The following LAMA2 variants were observed in gnomAD, a reference collection of about 807,000 sequenced individuals.
LAMA2 encodes the protein laminin subunit alpha 2, also known as laminin subunit alpha-2.
LAMA2 carries 269 observed loss-of-function variants against 364.8 expected under a neutral mutation model. The observed-to-expected ratio is 0.74, with a 90% CI of 0.67 to 0.82. The LOEUF (loss-of-function observed/expected upper bound fraction) is 0.82. LAMA2 is among the 40% of genes least tolerant of loss of function. The pLI, the probability that LAMA2 is intolerant of heterozygous loss-of-function variation, is 0.00. For missense variants in LAMA2, 3,807 were observed against 3,873.2 expected, an observed-to-expected ratio of 0.98 and a Z score of 0.45; for synonymous variants, 1,379 against 1,370.6, an observed-to-expected ratio of 1.01 and a Z score of -0.14.
chr6:129,300,980 A>G (rs747304679), intron 22 of LAMA2, 108 bp downstream of exon 22: 1 of 932,232 alleles, frequency 1.1e-6, no homozygotes, highest in Admixed American at 1.8e-5. Flanking sequence ...AAAATAATGT[A>G]GAAGTATTAC....
chr6:129,417,473 G>A (rs1270052355), intron 40 of LAMA2, among the ~76,000 whole-genome samples: 2 of 152,056 alleles, frequency 1.3e-5, no homozygotes, highest in Non-Finnish European at 2.9e-5. Flanking sequence ...TGGTCCATGG[G>A]TGGCCATGAG....
At chr6:129,098,138 A>G (rs1272815403) in intron 3 of LAMA2, 35 bp from the exon 4 acceptor site, 1 of 1,609,774 alleles carries the variant, frequency 6.2e-7, no homozygotes, top group Non-Finnish European at 8.5e-7. Context: ...AATATTTGGG[A>G]ATTCAATGTT....
intron 4 of LAMA2, among the ~76,000 whole-genome samples, chr6:129,130,797 G>T (rs1344140725): frequency 6.6e-6 from 1 of 152,052 alleles, no homozygotes; most frequent in Admixed American, 6.6e-5. Flanking sequence ...TTTTACAGGT[G>T]CCATTTTATA....
At chr6:128,962,493 A>AG (rs1781599143) in intron 1 of LAMA2, among the ~76,000 whole-genome samples, 1 of 152,040 alleles carries the variant, frequency 6.6e-6, no homozygotes, top group Non-Finnish European at 1.5e-5. Flanking sequence ...GACTATTGTG[A>AG]GGAGGATACT....
chr6:129,457,309 C>T (rs1025117757), intron 48 of LAMA2, among the ~76,000 whole-genome samples: 4 of 152,052 alleles, frequency 2.6e-5, no homozygotes, highest in African/African-American at 7.2e-5. Flanking sequence ...AAGTTATCCT[C>T]GTTTCTTAGA....
chr6:129,320,774 TCA>T (rs979062663), intron 28 of LAMA2, 119 bp downstream of exon 28: 4 of 704,912 alleles, frequency 5.7e-6, no homozygotes, highest in African/African-American at 5.3e-5. Context: ...AATCTTCCAC[TCA>T]CAGTGTGAGA....
At chr6:129,428,289 T>G (rs758323042) in intron 41 of LAMA2, among the ~76,000 whole-genome samples, 191 of 152,050 alleles carry the variant, frequency 1.3e-3, no homozygotes, top group Non-Finnish European at 2.4e-3. Context: ...AAAAATTTAG[T>G]CAGGTGTAGC....
intron 5 of LAMA2, 132 bp downstream of exon 5, chr6:129,144,212 GATTATTATT>G (rs543824838): frequency 8.0e-6 from 5 of 623,162 alleles, no homozygotes; most frequent in Non-Finnish European, 8.2e-6. Context: ...TAGAATTGTA[GATTATTATT>G]ATTATTATTA....
At chr6:129,277,257 G>T (rs1788394413) in intron 17 of LAMA2, among the ~76,000 whole-genome samples, 1 of 152,120 alleles carries the variant, frequency 6.6e-6, no homozygotes, top group South Asian at 2.1e-4. Context: ...TTTCCTCTTT[G>T]TGTCACGGAA....
In LAMA2 at chr6:129,163,369, C is replaced by T. The variant is rs142830188; in HGVS notation, c.1207-2207C>T. On this transcript the variant is annotated intron_variant, in intron 8 of 64. Transcript: ENST00000421865. ...TCTCATTAGGCCGGGCACAGTGGTT[C>T]ACCCCAGGAATCCCAGTACTTTGGA... 3.4e-3 allele frequency among the ~76,000 whole-genome samples: 521 copies of T among 152,254 alleles called. 4 individuals carry two copies. Among genetic ancestry groups the T allele is most frequent in the African/African-American group, 0.012 (489 of 41,564 alleles).
At chr6:129,285,392 A>G (rs993856539) in intron 18 of LAMA2, among the ~76,000 whole-genome samples, 1 of 152,066 alleles carries the variant, frequency 6.6e-6, no homozygotes, top group African/African-American at 2.4e-5. Flanking sequence ...TAAAAGACAG[A>G]TGCTTCTTTA....
intron 9 of LAMA2, among the ~76,000 whole-genome samples, chr6:129,167,875 A>G (rs1306736812): frequency 6.6e-6 from 1 of 150,378 alleles, no homozygotes; most frequent in African/African-American, 2.5e-5. Context: ...GTGAGATGGT[A>G]TCTCATTGTG....
At chr6:129,076,410 G>A (rs1238099326) in intron 3 of LAMA2, among the ~76,000 whole-genome samples, 1 of 143,906 alleles carries the variant, frequency 6.9e-6, no homozygotes, top group Non-Finnish European at 1.5e-5. Flanking sequence ...AAATTGTAAT[G>A]AGTATATGTG....
intron 1 of LAMA2, among the ~76,000 whole-genome samples, chr6:129,013,817 T>C (rs1258600766): frequency 6.6e-6 from 1 of 151,916 alleles, no homozygotes; most frequent in Non-Finnish European, 1.5e-5. Flanking sequence ...GAAATAAATA[T>C]CGGGTGCAAG....
chr6:128,977,635 C>T lies in LAMA2; in HGVS notation c.113-72283C>T, dbSNP rs781509571. Among the ~76,000 whole-genome samples, 11 of 152,194 alleles carry T rather than the reference C, an allele frequency of 7.2e-5. No homozygotes were observed. In the South Asian group the frequency reaches 2.3e-3, roughly 32 times the overall value. On this transcript the variant is annotated intron_variant, in intron 1 of 64. Transcript: ENST00000421865. Reference sequence around the variant, plus strand: ...ATGTTGACTGATTCATTACCTTCAACAGTGCTTTCAGCCTCTGATGGTTCA... The same window carrying T: ...ATGTTGACTGATTCATTACCTTCAATAGTGCTTTCAGCCTCTGATGGTTCA...
Position 129,223,559 on chromosome 6 carries a change from A to T in LAMA2, c.1783-26553A>T, listed in dbSNP as rs1053453390. On this transcript the variant is annotated intron_variant, in intron 12 of 64. Coordinates refer to ENST00000421865, the MANE Select transcript of LAMA2 (RefSeq NM_000426.4). ...GGGATCCAGTTTCAGCTTTCTACAT[A>T]TGGCTAGCCAGTTTTCCCAGCACCA... 3.3e-5 allele frequency among the ~76,000 whole-genome samples: 5 copies of T among 152,338 alleles called. 1 individual carries two copies. The highest frequency in any genetic ancestry group is 6.5e-5 in the Admixed American group (1 of 15,298).
At chr6:129,143,625 G>C (rs1012770886) in intron 4 of LAMA2, among the ~76,000 whole-genome samples, 1 of 151,970 alleles carries the variant, frequency 6.6e-6, no homozygotes, top group Non-Finnish European at 1.5e-5. Context: ...TAGGAAGGTC[G>C]AATTGACGCA....
intron 2 of LAMA2, among the ~76,000 whole-genome samples, chr6:129,052,635 A>G (rs1001216324): frequency 6.6e-6 from 1 of 152,170 alleles, no homozygotes; most frequent in Non-Finnish European, 1.5e-5. Context: ...TGACAACAGC[A>G]TCACCCAAAC....
chr6:128,969,680 C>A (rs1331135066), intron 1 of LAMA2, among the ~76,000 whole-genome samples: 1 of 152,104 alleles, frequency 6.6e-6, no homozygotes, highest in East Asian at 1.9e-4. Context: ...ATCCACCCAC[C>A]TAGACCTCCC....
Sources: gnomAD v4.1 joint callset for allele counts (sites outside exome capture counted in the v4.1 genomes callset) on GRCh38, gnomAD v4.1.1 for gene constraint, MANE v1.5 for transcripts, NCBI Gene and HGNC (gene_info 2026-07-23, HGNC 2026-07-21) for gene names.